The following STMN2 variants were observed in gnomAD, a reference collection of about 807,000 sequenced individuals.
STMN2 encodes the protein stathmin 2, also known as stathmin-2.
A neutral mutation model predicts 24.1 loss-of-function variants in STMN2; 2 were observed. The ratio of observed to expected loss-of-function variants is 0.08; its 90% confidence interval spans 0.03 to 0.26. STMN2 has a LOEUF of 0.26. Ranked by LOEUF, STMN2 falls within the 10% of genes least tolerant of loss-of-function variation. The pLI is 1.00. For missense variants in STMN2, 114 were observed against 213.6 expected (o/e 0.53, Z 2.91); for synonymous variants, 83 against 77.5 (o/e 1.07, Z -0.37).
intron 1 of STMN2, among the ~76,000 whole-genome samples, chr8:79,629,094 G>T (rs1007878935): frequency 2.0e-5 from 3 of 152,108 alleles, no homozygotes; most frequent in Non-Finnish European, 4.4e-5. Flanking sequence ...CTATTTAGCT[G>T]CCTCTAAGAT....
At chr8:79,613,012 C>G (rs1276889775) in intron 1 of STMN2, among the ~76,000 whole-genome samples, 1 of 152,132 alleles carries the variant, frequency 6.6e-6, no homozygotes, top group East Asian at 1.9e-4. Flanking sequence ...GCTCGAGCCC[C>G]GCCCGGCCAC....
chr8:79,639,926 G>A (rs1810054429), intron 2 of STMN2, among the ~76,000 whole-genome samples: 1 of 152,182 alleles, frequency 6.6e-6, no homozygotes, highest in African/African-American at 2.4e-5. Context: ...CTGCGGCCGG[G>A]CGTGGTGGCT....
At chr8:79,616,220 A>T (rs1809379349) in intron 1 of STMN2, among the ~76,000 whole-genome samples, 2 of 152,214 alleles carry the variant, frequency 1.3e-5, no homozygotes, top group Admixed American at 1.3e-4. Flanking sequence ...TTTTAAATCT[A>T]ATCCAATGTG....
At chr8:79,614,228 A>T (rs914177986) in intron 1 of STMN2, among the ~76,000 whole-genome samples, 1 of 152,370 alleles carries the variant, frequency 6.6e-6, no homozygotes, top group Admixed American at 6.5e-5. Flanking sequence ...GTATTAAAAT[A>T]ATAGATTTTG....
intron 1 of STMN2, among the ~76,000 whole-genome samples, chr8:79,636,344 C>T (rs1250839103): frequency 6.6e-6 from 1 of 152,204 alleles, no homozygotes; most frequent in Non-Finnish European, 1.5e-5. Flanking sequence ...AGTTATCTGA[C>T]TATTCCCAAA....
At chr8:79,620,252 A>C (rs1809481147) in intron 1 of STMN2, among the ~76,000 whole-genome samples, 1 of 149,516 alleles carries the variant, frequency 6.7e-6, no homozygotes, top group Admixed American at 6.7e-5. Context: ...TATATGTAAT[A>C]TATAAATATG....
chr8:79,629,893 A>T (rs1006265547), intron 1 of STMN2, among the ~76,000 whole-genome samples: 3 of 152,210 alleles, frequency 2.0e-5, no homozygotes, highest in Non-Finnish European at 4.4e-5. Flanking sequence ...ACATACTCAG[A>T]TCTAAAACAG....
intron 3 of STMN2, among the ~76,000 whole-genome samples, chr8:79,646,595 A>T (rs1810223352): frequency 1.3e-5 from 2 of 152,050 alleles, no homozygotes; most frequent in African/African-American, 4.8e-5. Context: ...GGAATGTATG[A>T]GGTGTGTTTG....
intron 3 of STMN2, among the ~76,000 whole-genome samples, chr8:79,646,109 A>T (rs1026763775): frequency 6.6e-6 from 1 of 152,160 alleles, no homozygotes; most frequent in African/African-American, 2.4e-5. Flanking sequence ...GCGGCAATAT[A>T]TAGCTTGTTT....
chr8:79,621,398 T>C (rs1362966736), intron 1 of STMN2, among the ~76,000 whole-genome samples: 1 of 152,208 alleles, frequency 6.6e-6, no homozygotes, highest in East Asian at 1.9e-4. Context: ...AGGAGCGCAA[T>C]CAAAAACTGC....
At chr8:79,655,444 ATTTG>A (rs1398976486) in intron 4 of STMN2, among the ~76,000 whole-genome samples, 4 of 152,052 alleles carry the variant, frequency 2.6e-5, no homozygotes, top group African/African-American at 9.6e-5. Context: ...TTGATTTAAT[ATTTG>A]TTTAATATAT....
intron 1 of STMN2, chr8:79,613,348 C>T (rs1028709753): frequency 7.1e-6 from 7 of 980,764 alleles, no homozygotes; most frequent in Admixed American, 6.1e-5. Context: ...GCAGCCAGCC[C>T]TGCAGAGCCC....
intron 4 of STMN2, among the ~76,000 whole-genome samples, chr8:79,658,563 A>C (rs1414361156): frequency 6.6e-6 from 1 of 152,166 alleles, no homozygotes; most frequent in East Asian, 1.9e-4. Context: ...ATATCAGTAA[A>C]AGTAAATTCA....
At chr8:79,663,794 C>A (rs1209645761) in intron 4 of STMN2, 3 of 639,308 alleles carry the variant, frequency 4.7e-6, no homozygotes, top group Non-Finnish European at 7.3e-6. Context: ...GATGTATAGC[C>A]ACATACTAAA....
Position 79,611,163 on chromosome 8 carries a change from T to A in STMN2, c.-33T>A, listed in dbSNP as rs774950808. 19 of 1,613,862 alleles carry A rather than the reference T, an allele frequency of 1.2e-5. No individual in the cohort carries two copies. The highest frequency in any genetic ancestry group is 1.6e-5 in the Non-Finnish European group (19 of 1,180,026). The stretch of plus-strand genomic sequence containing the variant: ...CGCTGCTGTAGCCGGACCCTTTGCC[T>A]TCGCCACTGCTCAGCGTCTGCACAT... On this transcript the variant is annotated 5_prime_UTR_variant, in exon 1 of 5. Coordinates refer to ENST00000220876, the MANE Select transcript of STMN2 (RefSeq NM_007029.4).
At chr8:79,646,137 C>T (rs1376484823) in intron 3 of STMN2, among the ~76,000 whole-genome samples, 1 of 152,078 alleles carries the variant, frequency 6.6e-6, no homozygotes, top group Non-Finnish European at 1.5e-5. Flanking sequence ...TTATTCCACC[C>T]TCCCATCCTA....
At chr8:79,631,285 T>A (rs1260805939) in intron 1 of STMN2, 1 of 229,680 alleles carries the variant, frequency 4.4e-6, no homozygotes, top group Non-Finnish European at 7.2e-6. Context: ...TATAACCCAG[T>A]GATGGGTTGT....
At chr8:79,621,089 T>A in intron 1 of STMN2, 1 of 877,768 alleles carries the variant, frequency 1.1e-6, no homozygotes, top group Non-Finnish European at 1.4e-6. Context: ...TCTCCACCAG[T>A]GCTGCTGGTG....
Position 79,662,139 on chromosome 8 carries a change from G to A in STMN2, c.481-2676G>A, listed in dbSNP as rs546231831. Among the ~76,000 whole-genome samples the A allele has an allele frequency of 2.2e-4, 34 of 152,116 alleles. No individual in the cohort carries two copies. In the South Asian group the frequency reaches 6.7e-3, roughly 30 times the overall value. The stretch of plus-strand genomic sequence containing the variant: ...ATGAAATCAGAGGAAAGAATTAGAG[G>A]ACCAGAATTTTTCCTAAAATCAACT... On this transcript the variant is annotated intron_variant, in intron 4 of 4. Coordinates refer to ENST00000220876, the MANE Select transcript of STMN2 (RefSeq NM_007029.4).
Sources: gnomAD v4.1 joint callset for allele counts (sites outside exome capture counted in the v4.1 genomes callset) on GRCh38, gnomAD v4.1.1 for gene constraint, MANE v1.5 for transcripts, NCBI Gene and HGNC (gene_info 2026-07-23, HGNC 2026-07-21) for gene names.